Variants in MAGI1 observed in about 807,000 individuals in gnomAD.
MAGI1 encodes the protein membrane associated guanylate kinase, WW and PDZ domain containing 1.
A neutral mutation model predicts 139.9 loss-of-function variants in MAGI1; 58 were observed. The ratio of observed to expected loss-of-function variants is 0.41; its 90% CI spans 0.34 to 0.52. MAGI1 has a LOEUF of 0.52. Ranked by LOEUF, MAGI1 falls within the 20% of genes least tolerant of loss-of-function variation. The pLI is 0.12. For synonymous variants in MAGI1, 812 were observed against 737.9 expected (o/e 1.10, Z -1.63); for missense variants, 1,874 against 1,901.6 (o/e 0.99, Z 0.27).
intron 1 of MAGI1, among the ~76,000 whole-genome samples, chr3:65,903,419 C>T (rs1327224134): frequency 6.6e-6 from 1 of 152,052 alleles, no homozygotes; most frequent in Non-Finnish European, 1.5e-5. Flanking sequence ...AGTTCAGTTT[C>T]CTCATTTAAA....
intron 2 of MAGI1, among the ~76,000 whole-genome samples, chr3:65,590,427 A>C (rs1031031491): frequency 6.6e-6 from 1 of 152,262 alleles, no homozygotes; most frequent in Non-Finnish European, 1.5e-5. Context: ...ACCTTGTATA[A>C]CTGTAAAGAA....
At chr3:65,945,006 T>A (rs2063487456) in intron 1 of MAGI1, among the ~76,000 whole-genome samples, 1 of 152,214 alleles carries the variant, frequency 6.6e-6, no homozygotes, top group Admixed American at 6.5e-5. Context: ...GGAACCAAAT[T>A]CATCCATCAC....
chr3:65,863,528 G>C (rs558019443), intron 1 of MAGI1, among the ~76,000 whole-genome samples: 2 of 152,266 alleles, frequency 1.3e-5, no homozygotes, highest in East Asian at 1.9e-4. Context: ...TATCATAAAA[G>C]TGAGACCACT....
chr3:65,424,581 A>C (rs935470081), intron 12 of MAGI1, among the ~76,000 whole-genome samples: 5 of 152,176 alleles, frequency 3.3e-5, no homozygotes, highest in Admixed American at 2.6e-4. Flanking sequence ...CCAGTGGGAG[A>C]TGGCACTCTA....
intron 1 of MAGI1, among the ~76,000 whole-genome samples, chr3:65,695,682 T>C (rs950653215): frequency 5.9e-5 from 9 of 152,182 alleles, no homozygotes; most frequent in Non-Finnish European, 1.2e-4. Context: ...TAAGGAGAGA[T>C]AAGGCACTGG....
chr3:65,921,819 T>C (rs2062209275), intron 1 of MAGI1, among the ~76,000 whole-genome samples: 1 of 151,484 alleles, frequency 6.6e-6, no homozygotes, highest in African/African-American at 2.4e-5. Flanking sequence ...GAAAGAAAGT[T>C]AGCCTGAGCC....
chr3:65,648,456 T>C (rs773908144), intron 1 of MAGI1, among the ~76,000 whole-genome samples: 3 of 152,214 alleles, frequency 2.0e-5, no homozygotes, highest in Non-Finnish European at 2.9e-5. Flanking sequence ...TGTATGCCTA[T>C]ATATTAGCAA....
intron 2 of MAGI1, among the ~76,000 whole-genome samples, chr3:65,615,824 G>A (rs116315596): frequency 0.027 from 4,053 of 152,128 alleles, 89 homozygotes; most frequent in Admixed American, 0.053. Context: ...ACCTTACTTC[G>A]CGAAACATAA....
intron 1 of MAGI1, among the ~76,000 whole-genome samples, chr3:65,835,886 T>C (rs912469195): frequency 6.6e-6 from 1 of 152,156 alleles, no homozygotes; most frequent in African/African-American, 2.4e-5. Context: ...TGTTTCTCCC[T>C]TGCAGATTAC....
chr3:65,412,481 T>A (rs1184488246), intron 12 of MAGI1, among the ~76,000 whole-genome samples: 1 of 152,228 alleles, frequency 6.6e-6, no homozygotes, highest in African/African-American at 2.4e-5. Flanking sequence ...TTTATATTGT[T>A]TATTGTTTAC....
At chr3:65,698,815 G>A (rs1035132055) in intron 1 of MAGI1, among the ~76,000 whole-genome samples, 2 of 142,910 alleles carry the variant, frequency 1.4e-5, no homozygotes, top group Non-Finnish European at 3.0e-5. Flanking sequence ...CATAGGCGTG[G>A]GCAAGGACTT....
At chr3:65,647,160 C>T (rs2085313237) in intron 1 of MAGI1, among the ~76,000 whole-genome samples, 1 of 151,974 alleles carries the variant, frequency 6.6e-6, no homozygotes, top group South Asian at 2.1e-4. Flanking sequence ...ACACAAACTG[C>T]CAACAATATG....
At chr3:66,029,251 T>C (rs1011610019) in intron 1 of MAGI1, among the ~76,000 whole-genome samples, 4 of 152,174 alleles carry the variant, frequency 2.6e-5, no homozygotes, top group Non-Finnish European at 5.9e-5. Flanking sequence ...CTGATGACAC[T>C]ATATATAGCA....
chr3:65,647,948 G>A (rs1224474161), intron 1 of MAGI1, among the ~76,000 whole-genome samples: 1 of 152,018 alleles, frequency 6.6e-6, no homozygotes, highest in African/African-American at 2.4e-5. Context: ...CAAAGTGTTG[G>A]CAAAAAAGAG....
chr3:65,643,979 C>T (rs932062651), intron 1 of MAGI1, among the ~76,000 whole-genome samples: 1 of 152,124 alleles, frequency 6.6e-6, no homozygotes, highest in Non-Finnish European at 1.5e-5. Context: ...TCCCCTCTTC[C>T]TTATCCGCTC....
At chr3:65,808,909 G>A (rs886313405) in intron 1 of MAGI1, among the ~76,000 whole-genome samples, 5 of 152,180 alleles carry the variant, frequency 3.3e-5, no homozygotes, top group African/African-American at 7.2e-5. Flanking sequence ...GAAATGTGAG[G>A]TACAGCAATG....
At chr3:65,395,295 T>C (rs551733555) in intron 13 of MAGI1, among the ~76,000 whole-genome samples, 2 of 152,032 alleles carry the variant, frequency 1.3e-5, no homozygotes, top group East Asian at 3.9e-4. Flanking sequence ...AGCAACACAC[T>C]GCAATGTCCT....
intron 1 of MAGI1, among the ~76,000 whole-genome samples, chr3:65,667,094 G>T (rs1451960422): frequency 6.6e-6 from 1 of 152,118 alleles, no homozygotes; most frequent in Non-Finnish European, 1.5e-5. Flanking sequence ...CCCGGAATGA[G>T]AACAGAGGAA....
chr3:65,689,223 G>T (rs532401478), intron 1 of MAGI1, among the ~76,000 whole-genome samples: 1 of 152,110 alleles, frequency 6.6e-6, no homozygotes, highest in Non-Finnish European at 1.5e-5. Context: ...CCACCTTACT[G>T]CTTCTCACAA....
Sources: allele counts gnomAD v4.1 joint callset (sites outside exome capture counted in the v4.1 genomes callset), GRCh38; gene constraint gnomAD v4.1.1; transcripts MANE v1.5; gene names NCBI Gene and HGNC (gene_info 2026-07-23, HGNC 2026-07-21).